Variants in ZFAT observed in about 807,000 individuals in gnomAD.
The protein encoded by ZFAT is zinc finger protein ZFAT.
ZFAT carries 64 observed loss-of-function variants against 117.7 expected under a neutral mutation model. The observed-to-expected ratio is 0.54, with a 90% CI of 0.44 to 0.67. The LOEUF is 0.67. Ranked by LOEUF, ZFAT falls within the 30% of genes least tolerant of loss-of-function variation. The pLI, the probability that ZFAT is intolerant of heterozygous loss-of-function variation, is 0.00. For missense variants in ZFAT, 1,433 were observed against 1,584.5 expected, an observed-to-expected ratio of 0.90 and a Z score of 1.62; for synonymous variants, 679 against 615.0, an observed-to-expected ratio of 1.10 and a Z score of -1.54.
At chr8:134,816,839 G>A in the ZFAT span, among the ~76,000 whole-genome samples, 1 of 151,892 alleles carries the variant, frequency 6.6e-6, no homozygotes, top group African/African-American at 2.4e-5. Context: ...AAATTAACTG[G>A]GCATGGTGGT....
chr8:134,632,846 C>CA (rs950767701), intron 3 of ZFAT, among the ~76,000 whole-genome samples: 6 of 151,940 alleles, frequency 3.9e-5, no homozygotes, highest in African/African-American at 1.2e-4. Context: ...CCCAATCACA[C>CA]AAAAAAACAC....
the ZFAT span, chr8:134,804,945 C>T: frequency 5.6e-6 from 3 of 533,376 alleles, no homozygotes; most frequent in South Asian, 1.4e-5. Context: ...TTTACAACAA[C>T]AGACTTTCTG....
At chr8:134,782,327 T>C in the ZFAT span, among the ~76,000 whole-genome samples, 1 of 152,234 alleles carries the variant, frequency 6.6e-6, no homozygotes, top group Non-Finnish European at 1.5e-5. Context: ...TATTCCTTTA[T>C]ATTTCAAAGA....
the ZFAT span, among the ~76,000 whole-genome samples, chr8:134,760,374 G>A: frequency 3.3e-5 from 5 of 151,774 alleles, no homozygotes; most frequent in Non-Finnish European, 5.9e-5. Context: ...AAGAAAGTCA[G>A]AACCAGACCA....
Position 134,481,751 on chromosome 8 carries a change from C to T in ZFAT, c.3493-3030G>A, listed in dbSNP as rs1442172371. Among the ~76,000 whole-genome samples, 9 of 152,204 alleles carry T rather than the reference C, an allele frequency of 5.9e-5. No homozygotes were observed. In the South Asian group the frequency reaches 1.7e-3, roughly 28 times the overall value. On this transcript the variant is annotated intron_variant, in intron 15 of 15. Transcript: ENST00000377838. ...GGAAATGGCTGCTGCCCATAGACGC[C>T]GCAGAGGAGGCCAGCGTGCCTGACC...
At chr8:134,769,459 A>G in the ZFAT span, among the ~76,000 whole-genome samples, 1 of 152,190 alleles carries the variant, frequency 6.6e-6, no homozygotes, top group Non-Finnish European at 1.5e-5. Context: ...TCACTGATGC[A>G]AGAGGTGGGT....
chr8:134,535,985 T>G (rs1295359259), intron 11 of ZFAT, among the ~76,000 whole-genome samples: 1 of 152,120 alleles, frequency 6.6e-6, no homozygotes, highest in East Asian at 1.9e-4. Context: ...AAATAAGAAA[T>G]GGTCCTGCAA....
chr8:134,627,862 G>A (rs1188943693), intron 3 of ZFAT, among the ~76,000 whole-genome samples: 1 of 152,220 alleles, frequency 6.6e-6, no homozygotes, highest in Non-Finnish European at 1.5e-5. Flanking sequence ...CTAGAGTCTG[G>A]CCCTGGACTT....
chr8:134,555,557 T>A (rs893791332), intron 11 of ZFAT, among the ~76,000 whole-genome samples: 1 of 152,176 alleles, frequency 6.6e-6, no homozygotes, highest in Non-Finnish European at 1.5e-5. Flanking sequence ...CAAGGCCAAC[T>A]ATTGTTTACC....
At chr8:134,542,318 TTAGGCTCA>T (rs1822315295) in intron 11 of ZFAT, among the ~76,000 whole-genome samples, 1 of 152,220 alleles carries the variant, frequency 6.6e-6, no homozygotes, top group Non-Finnish European at 1.5e-5. Context: ...AACTTTTATT[TTAGGCTCA>T]AAGGGTATGT....
At chr8:134,530,987 T>C (rs2058818886) in intron 12 of ZFAT, among the ~76,000 whole-genome samples, 1 of 152,128 alleles carries the variant, frequency 6.6e-6, no homozygotes, top group Admixed American at 6.5e-5. Context: ...CAATCCCCCA[T>C]GGATGCCTAG....
chr8:134,492,031 G>GTTTTTTTTTTTTTTTTTTT (rs138666169), intron 15 of ZFAT, among the ~76,000 whole-genome samples: 1 of 145,060 alleles, frequency 6.9e-6, no homozygotes. Flanking sequence ...TTTGTTTTTT[G>GTTTTTTTTTTTTTTTTTTT]TTTTTTTTTT....
At chr8:134,510,592 C>G (rs769889621) in intron 14 of ZFAT, 20 of 164,936 alleles carry the variant, frequency 1.2e-4, no homozygotes, top group Non-Finnish European at 2.3e-4. Flanking sequence ...GACTTATATT[C>G]ACAATGCATC....
intron 15 of ZFAT, among the ~76,000 whole-genome samples, chr8:134,491,654 C>T (rs1435922773): frequency 1.3e-5 from 2 of 152,186 alleles, no homozygotes; most frequent in Admixed American, 6.5e-5. Flanking sequence ...TCAAAGCCAA[C>T]GACATTTGGT....
chr8:134,722,157 A>T, the ZFAT span, among the ~76,000 whole-genome samples: 1 of 152,192 alleles, frequency 6.6e-6, no homozygotes, highest in Non-Finnish European at 1.5e-5. Flanking sequence ...ACGGGAGAAA[A>T]AAAGCTCTGG....
intron 2 of ZFAT, among the ~76,000 whole-genome samples, chr8:134,648,550 T>C (rs771782373): frequency 2.6e-5 from 4 of 152,010 alleles, no homozygotes; most frequent in Non-Finnish European, 4.4e-5. Context: ...GTCAACAAAT[T>C]AGACAATCTA....
the ZFAT span, among the ~76,000 whole-genome samples, chr8:134,807,255 C>T: frequency 6.6e-6 from 1 of 152,200 alleles, no homozygotes; most frequent in African/African-American, 2.4e-5. Flanking sequence ...AAGTACAATG[C>T]TGAAACCAAG....
At chr8:134,662,992 G>A (rs1367056554) in intron 1 of ZFAT, among the ~76,000 whole-genome samples, 4 of 152,254 alleles carry the variant, frequency 2.6e-5, no homozygotes, top group East Asian at 3.8e-4. Context: ...AGACATGCAC[G>A]CACAGACACG....
chr8:134,787,770 G>A, the ZFAT span, among the ~76,000 whole-genome samples: 1 of 151,384 alleles, frequency 6.6e-6, no homozygotes, highest in Non-Finnish European at 1.5e-5. Context: ...TGACTTCCAA[G>A]TCATGAACAT....
Sources: gnomAD v4.1 joint callset for allele counts (sites outside exome capture counted in the v4.1 genomes callset) on GRCh38, gnomAD v4.1.1 for gene constraint, MANE v1.5 for transcripts, NCBI Gene and HGNC (gene_info 2026-07-23, HGNC 2026-07-21) for gene names.